The following PTPRN2 variants were observed in gnomAD, a reference collection of about 807,000 sequenced individuals.
PTPRN2 encodes protein tyrosine phosphatase receptor type N2, also known as receptor-type tyrosine-protein phosphatase N2.
A neutral mutation model predicts 118.8 loss-of-function variants in PTPRN2; 74 were observed. The observed-to-expected ratio is 0.62, with a 90% CI of 0.52 to 0.76. The LOEUF is 0.76. Ranked by LOEUF, PTPRN2 falls within the 30% of genes least tolerant of loss-of-function variation. The pLI is 0.00. For synonymous variants in PTPRN2, 641 were observed against 608.0 expected, an observed-to-expected ratio of 1.05 and a Z score of -0.80; for missense variants, 1,481 against 1,394.4, an observed-to-expected ratio of 1.06 and a Z score of -0.99.
intron 11 of PTPRN2, among the ~76,000 whole-genome samples, chr7:157,940,581 A>G (rs367847277): frequency 1.3e-4 from 18 of 142,426 alleles, no homozygotes; most frequent in Non-Finnish European, 1.9e-4. Context: ...CTGCAAATCT[A>G]ACACCCTCCC....
chr7:158,166,890 GAC>G, intron 6 of PTPRN2, 39 bp downstream of exon 6: 1 of 1,420,688 alleles, frequency 7.0e-7, no homozygotes, highest in Non-Finnish European at 9.2e-7. Flanking sequence ...CTGGACAGAG[GAC>G]AGTCAGCAAA....
chr7:158,336,832 G>C (rs1805655805), intron 2 of PTPRN2, among the ~76,000 whole-genome samples: 1 of 93,782 alleles, frequency 1.1e-5, no homozygotes, highest in African/African-American at 3.8e-5. Flanking sequence ...GACACCTGCA[G>C]ACGTCACTCA....
intron 9 of PTPRN2, among the ~76,000 whole-genome samples, chr7:158,129,391 C>T (rs1817980531): frequency 6.6e-6 from 1 of 151,792 alleles, no homozygotes; most frequent in South Asian, 2.1e-4. Context: ...ACACACCACA[C>T]ACTACACACA....
At chr7:158,523,109 C>T (rs1055872341) in intron 1 of PTPRN2, among the ~76,000 whole-genome samples, 6 of 152,066 alleles carry the variant, frequency 3.9e-5, no homozygotes, top group Admixed American at 2.6e-4. Context: ...AAGATAAGAG[C>T]GCAGGAGGCC....
At chr7:157,650,329 C>T (rs1275994265) in intron 14 of PTPRN2, among the ~76,000 whole-genome samples, 2 of 152,236 alleles carry the variant, frequency 1.3e-5, no homozygotes, top group Non-Finnish European at 2.9e-5. Flanking sequence ...GGACTATGTA[C>T]CCCTCCATGT....
rs1221821250 is a variant in PTPRN2 at position 157,791,757 on chromosome 7, T to C, written c.1788+106916A>G. Reference sequence around the variant, plus strand: ...ATCAAAAATGCTTACATTTGTTATGTCACAAACACAAAGCGTTCTCCTAGG... The same window carrying C: ...ATCAAAAATGCTTACATTTGTTATGCCACAAACACAAAGCGTTCTCCTAGG... On this transcript the variant is annotated intron_variant, in intron 12 of 22. Transcript: ENST00000389418. 4.6e-5 allele frequency among the ~76,000 whole-genome samples: 7 copies of C among 152,218 alleles called. No individual in the cohort carries two copies. In the East Asian group the frequency reaches 1.2e-3, roughly 25 times the overall value.
Position 158,192,427 on chromosome 7 carries a change from G to C in PTPRN2, c.449C>G (p.Ala150Gly). 3 of 1,548,926 alleles carry C rather than the reference G, an allele frequency of 1.9e-6. No individual in the cohort carries two copies. The highest frequency in any genetic ancestry group is 2.6e-6 in the Non-Finnish European group (3 of 1,157,338). ...CAGGAAGGGCAGGTGGCGTCGGAGG[G>C]CGTTGGCCAGGGCAGCACCGCCCTC... ...SREGGAALANALRRHLPFLEA... is the reference protein window; with the variant it reads ...SREGGAALANGLRRHLPFLEA... The change falls in exon 5 of 23, where the codon GCC becomes GGC. Residue 150 changes from alanine to glycine, a missense_variant. Physicochemically the swap from Ala to Gly is moderately conservative, Grantham distance 60 (BLOSUM62 0). This residue lies in a region of PTPRN2 where 1,115 missense variants were observed against 994.2 expected (regional missense o/e 1.12). Coordinates refer to ENST00000389418, the MANE Select transcript of PTPRN2 (RefSeq NM_002847.5).
At chr7:158,585,944 G>A (rs965027011) in intron 1 of PTPRN2, among the ~76,000 whole-genome samples, 2 of 152,240 alleles carry the variant, frequency 1.3e-5, no homozygotes, top group African/African-American at 4.8e-5. Context: ...CTGGTGCACA[G>A]CTGGGCCTTC....
intron 10 of PTPRN2, among the ~76,000 whole-genome samples, chr7:158,083,243 CCACG>C (rs1812977847): frequency 6.6e-6 from 1 of 152,122 alleles, no homozygotes; most frequent in African/African-American, 2.4e-5. Context: ...ACGGCCTCAC[CCACG>C]CAGGAGGTGA....
intron 11 of PTPRN2, among the ~76,000 whole-genome samples, chr7:158,071,667 GTGGTGGAGGTGCTCC>G (rs1475709972): frequency 4.6e-5 from 6 of 129,482 alleles, no homozygotes; most frequent in East Asian, 4.6e-4. Context: ...GGTGCTCGTG[GTGGTGGAGGTGCTCC>G]TGGTGGAGGT....
chr7:158,253,330 G>A (rs548717622), intron 3 of PTPRN2, among the ~76,000 whole-genome samples: 6 of 151,850 alleles, frequency 4.0e-5, no homozygotes, highest in Non-Finnish European at 7.3e-5. Flanking sequence ...CCAGCACAGC[G>A]GGCGGGGCTC....
At position 157,656,844 on chromosome 7, in the gene PTPRN2, CCACA is replaced by C. The variant is rs746304890; in HGVS notation, c.2002-297_2002-294del. On this transcript the variant is annotated intron_variant, in intron 13 of 22. Transcript: ENST00000389418. ...ACACACACACATATACACACACACA[CCACA>C]CACACACACACATCACACATATATA... Among the ~76,000 whole-genome samples the C allele has an allele frequency of 9.5e-4, 117 of 123,410 alleles. 3 individuals are homozygous for C. Among genetic ancestry groups the C allele is most frequent in the African/African-American group, 2.8e-3 (100 of 36,150 alleles). The allele number at this position is 123,410 out of a possible 152,430, so 81.0% of individuals were successfully genotyped here. A position where few individuals can be genotyped will look rare whatever the true frequency, so the allele number is the denominator to read the frequency against.
chr7:158,419,754 G>A (rs2129421991), intron 2 of PTPRN2, among the ~76,000 whole-genome samples: 1 of 152,270 alleles, frequency 6.6e-6, no homozygotes, highest in Admixed American at 6.5e-5. Context: ...CACACGTGAT[G>A]TCTGACCGGA....
At position 157,868,506 on chromosome 7, in the gene PTPRN2, T is replaced by A. The variant is rs1003169313; in HGVS notation, c.1788+30167A>T. 6.6e-6 allele frequency: 1 copy of A among 152,190 alleles called. No individual in the cohort carries two copies. The highest frequency in any genetic ancestry group is 2.4e-5 in the African/African-American group (1 of 41,428). 9.4% of individuals were successfully genotyped at this position (152,190 alleles called of 1,614,324 possible). On this transcript the variant is annotated intron_variant, in intron 12 of 22. Transcript: ENST00000389418. The surrounding 1 kb of genome is among the most constrained non-coding windows in gnomAD (Gnocchi z 5.2). ...GGCTGCGCTGCTGTCTTCCAGGTCC[T>A]CCCTGGTTTAATTTAGCAAAACTAC...
At chr7:157,967,087 A>G (rs1801997591) in intron 11 of PTPRN2, among the ~76,000 whole-genome samples, 1 of 152,208 alleles carries the variant, frequency 6.6e-6, no homozygotes, top group Non-Finnish European at 1.5e-5. Context: ...TGTGAGGCTG[A>G]GACAGGAGGA....
intron 1 of PTPRN2, chr7:158,539,857 G>A (rs1457784194): frequency 4.3e-6 from 1 of 233,236 alleles, no homozygotes; most frequent in African/African-American, 2.4e-5. Flanking sequence ...GCCTGGAGCT[G>A]GTGACGGCTG....
chr7:158,387,578 G>GGA, intron 2 of PTPRN2, among the ~76,000 whole-genome samples: 1 of 16,968 alleles, frequency 5.9e-5, no homozygotes, highest in Admixed American at 6.0e-4. Flanking sequence ...TGTCAGCTCA[G>GGA]CTTGGCCCGG....
intron 11 of PTPRN2, among the ~76,000 whole-genome samples, chr7:157,969,492 A>G (rs2128815970): frequency 6.6e-6 from 1 of 152,202 alleles, no homozygotes; most frequent in South Asian, 2.1e-4. Flanking sequence ...AATCATCATG[A>G]GAAGGGCATG....
At chr7:157,756,763 T>C (rs1379771073) in intron 12 of PTPRN2, among the ~76,000 whole-genome samples, 1 of 151,490 alleles carries the variant, frequency 6.6e-6, no homozygotes, top group African/African-American at 2.4e-5. Context: ...GCCAAACCAT[T>C]TATGGGTGAC....
Sources: gnomAD v4.1 joint callset for allele counts (sites outside exome capture counted in the v4.1 genomes callset) on GRCh38, gnomAD v4.1.1 for gene constraint, gnomAD v4.1.1 regional missense constraint, Gnocchi (gnomAD v3.1) non-coding constraint, MANE v1.5 for transcripts, NCBI Gene and HGNC (gene_info 2026-07-23, HGNC 2026-07-21) for gene names.